Variants in ZNF407 observed in about 807,000 individuals in gnomAD.
The protein encoded by ZNF407 is zinc finger protein 407.
ZNF407 carries 17 observed loss-of-function variants against 131.2 expected under a neutral mutation model. The ratio of observed to expected loss-of-function variants is 0.13; its 90% confidence interval spans 0.09 to 0.19. ZNF407 has a LOEUF of 0.19. Among genes scored for constraint, ZNF407 ranks in the 10% least tolerant of loss-of-function variants. The pLI, the probability that ZNF407 is intolerant of heterozygous loss-of-function variation, is 1.00. For missense variants in ZNF407, 2,681 were observed against 2,830.6 expected, an observed-to-expected ratio of 0.95 and a Z score of 1.20; for synonymous variants, 1,156 against 1,062.0, an observed-to-expected ratio of 1.09 and a Z score of -1.72.
At chr18:74,944,972 T>C (rs1972138979) in intron 8 of ZNF407, among the ~76,000 whole-genome samples, 1 of 152,172 alleles carries the variant, frequency 6.6e-6, no homozygotes, top group African/African-American at 2.4e-5. Flanking sequence ...TGTATTTCCC[T>C]GACAGAAATG....
At chr18:74,672,445 C>CTGTTCATTGGAGCACTGTT (rs150134627) in intron 3 of ZNF407, among the ~76,000 whole-genome samples, 109,727 of 144,786 alleles carry the variant, frequency 0.76, 43,749 homozygotes, top group Non-Finnish European at 0.86. Flanking sequence ...CACTGTTTGT[C>CTGTTCATTGGAGCACTGTT]TGTTCATTGG....
chr18:74,966,171 G>A (rs1039538078), intron 8 of ZNF407, among the ~76,000 whole-genome samples: 1 of 152,128 alleles, frequency 6.6e-6, no homozygotes, highest in Non-Finnish European at 1.5e-5. Flanking sequence ...AACTTGATGT[G>A]ATCACATTTG....
intron 1 of ZNF407, among the ~76,000 whole-genome samples, chr18:74,622,028 T>C (rs1983532608): frequency 6.6e-6 from 1 of 152,204 alleles, no homozygotes; most frequent in Non-Finnish European, 1.5e-5. Context: ...TTCTCGTGGA[T>C]GAGTTTGTAC....
At chr18:74,999,867 A>G (rs550576910) in intron 8 of ZNF407, among the ~76,000 whole-genome samples, 1 of 152,352 alleles carries the variant, frequency 6.6e-6, no homozygotes, top group South Asian at 2.1e-4. Context: ...ACATGAAAAA[A>G]AGTAACCTAG....
chr18:74,806,370 G>T (rs1483670209), intron 4 of ZNF407, among the ~76,000 whole-genome samples: 1 of 152,238 alleles, frequency 6.6e-6, no homozygotes, highest in Non-Finnish European at 1.5e-5. Context: ...CTGTCAACCT[G>T]GTTGTAATTC....
At chr18:74,691,507 TG>T (rs1967222294) in intron 3 of ZNF407, among the ~76,000 whole-genome samples, 2 of 151,982 alleles carry the variant, frequency 1.3e-5, no homozygotes, top group Non-Finnish European at 2.9e-5. Context: ...AACTAGCTTT[TG>T]GCTTCATTGA....
At chr18:75,021,281 A>C (rs1324083219) in intron 8 of ZNF407, among the ~76,000 whole-genome samples, 1 of 150,540 alleles carries the variant, frequency 6.6e-6, no homozygotes, top group Non-Finnish European at 1.5e-5. Context: ...AAAAAAAAAA[A>C]TAATAAAGAC....
At chr18:74,929,520 T>G (rs1429893167) in intron 8 of ZNF407, among the ~76,000 whole-genome samples, 1 of 152,216 alleles carries the variant, frequency 6.6e-6, no homozygotes, top group African/African-American at 2.4e-5. Context: ...ATCAGGTAAT[T>G]GATGTGGTTT....
chr18:74,978,853 A>G (rs1568289636), intron 8 of ZNF407, among the ~76,000 whole-genome samples: 1 of 152,128 alleles, frequency 6.6e-6, no homozygotes, highest in Non-Finnish European at 1.5e-5. Flanking sequence ...GGGATTGAGT[A>G]TATCATGTAA....
At position 74,666,500 on chromosome 18, in the gene ZNF407, G is replaced by A. The variant is rs574605632; in HGVS notation, c.4802+25378G>A. Among the ~76,000 whole-genome samples, 8 of 152,276 alleles carry A rather than the reference G, an allele frequency of 5.3e-5. No individual in the cohort carries two copies. In the South Asian group the frequency reaches 6.2e-4, roughly 12 times the overall value. On this transcript the variant is annotated intron_variant, in intron 3 of 8. Coordinates refer to ENST00000299687, the MANE Select transcript of ZNF407 (RefSeq NM_017757.3). ...TCCGTGTCTGGAGCTCCTGTCTCCTGTATCCTCCCGCTCTGCTTTGTTTTG... is the reference window on the plus strand; with the variant it reads ...TCCGTGTCTGGAGCTCCTGTCTCCTATATCCTCCCGCTCTGCTTTGTTTTG...
At chr18:75,029,939 T>C (rs1350917661) in intron 8 of ZNF407, among the ~76,000 whole-genome samples, 1 of 152,224 alleles carries the variant, frequency 6.6e-6, no homozygotes, top group Non-Finnish European at 1.5e-5. Context: ...ACGTGTGTGA[T>C]GACCAATCAT....
intron 8 of ZNF407, among the ~76,000 whole-genome samples, chr18:75,030,082 G>A (rs759783912): frequency 2.0e-5 from 3 of 152,118 alleles, no homozygotes; most frequent in South Asian, 2.1e-4. Context: ...TTTCCTGGGA[G>A]GAAAGTTCAT....
chr18:74,806,678 C>T (rs1235746254), intron 4 of ZNF407, among the ~76,000 whole-genome samples: 1 of 152,188 alleles, frequency 6.6e-6, no homozygotes, highest in Non-Finnish European at 1.5e-5. Flanking sequence ...AGTTTAAATC[C>T]TGTCACCTCC....
Position 74,632,145 on chromosome 18 carries a change from G to C in ZNF407, c.1126G>C (p.Glu376Gln). 6.2e-7 allele frequency: 1 copy of C among 1,613,978 alleles called. No homozygotes were observed. The highest frequency in any genetic ancestry group is 8.5e-7 in the Non-Finnish European group (1 of 1,179,882). Reference protein sequence around the residue: ...VTSLGLAQNPENQSRKLDTLV... With the variant: ...VTSLGLAQNPQNQSRKLDTLV... ...TTCCCTTGGTCTAGCTCAGAATCCT[G>C]AAAACCAGAGTAGAAAGCTAGACAC... Residue 376 changes from glutamate to glutamine, a missense_variant, in exon 2 of 9, where the codon GAA (glutamate) becomes CAA (glutamine). By Grantham distance (29) the Glu-to-Gln change is conservative (BLOSUM62 2). Around this residue, in one of 6 missense-constraint regions of ZNF407, gnomAD observed 1,789 missense variants for 1,748.7 expected, o/e 1.02. Transcript: ENST00000299687.
At chr18:74,838,942 A>C (rs1013770950) in intron 4 of ZNF407, among the ~76,000 whole-genome samples, 4 of 152,094 alleles carry the variant, frequency 2.6e-5, no homozygotes, top group Non-Finnish European at 5.9e-5. Context: ...TTTATAATTT[A>C]TATACTTCTG....
intron 8 of ZNF407, among the ~76,000 whole-genome samples, chr18:75,037,260 A>C (rs1449729544): frequency 6.6e-6 from 1 of 152,198 alleles, no homozygotes; most frequent in South Asian, 2.1e-4. Context: ...AAGATGATCT[A>C]GAGATAATGT....
rs552796408 is a variant in ZNF407 at position 74,688,829 on chromosome 18, T to C, written c.4802+47707T>C. 5.9e-5 allele frequency among the ~76,000 whole-genome samples: 9 copies of C among 152,126 alleles called. No individual in the cohort carries two copies. The East Asian group carries it at 1.7e-3, about 29-fold the overall frequency. On this transcript the variant is annotated intron_variant, in intron 3 of 8. Coordinates refer to ENST00000299687, the MANE Select transcript of ZNF407 (RefSeq NM_017757.3). ...CAAATCTTTCAATCCATGAATGTGG[T>C]ATATCTTTCTTTTTTTTCAGACAGA...
At chr18:74,942,818 C>G (rs1210460720) in intron 8 of ZNF407, among the ~76,000 whole-genome samples, 1 of 152,124 alleles carries the variant, frequency 6.6e-6, no homozygotes, top group African/African-American at 2.4e-5. Flanking sequence ...TCATCTCCAG[C>G]ATCTTATGAG....
intron 8 of ZNF407, among the ~76,000 whole-genome samples, chr18:74,948,959 T>A (rs912831686): frequency 1.3e-5 from 2 of 152,138 alleles, no homozygotes; most frequent in East Asian, 3.8e-4. Context: ...CACACTAGTG[T>A]GTAAAAAGAA....
Sources: allele counts gnomAD v4.1 joint callset (sites outside exome capture counted in the v4.1 genomes callset), GRCh38; gene constraint gnomAD v4.1.1; regional missense constraint gnomAD v4.1.1; transcripts MANE v1.5; gene names NCBI Gene and HGNC (gene_info 2026-07-23, HGNC 2026-07-21).